The following NPR3 variants were observed in gnomAD, a reference collection of about 807,000 sequenced individuals.
The protein encoded by NPR3 is natriuretic peptide receptor 3.
NPR3 carries 34 observed loss-of-function variants against 54.5 expected under a neutral mutation model. The ratio of observed to expected loss-of-function variants is 0.62; its 90% CI spans 0.47 to 0.83. The LOEUF is 0.83. NPR3 is among the 40% of genes least tolerant of loss of function. The probability of loss-of-function intolerance (pLI) is 0.00; values close to 1 mark genes in which losing one functional copy is unlikely to be tolerated. For synonymous variants in NPR3, 289 were observed against 297.1 expected (o/e 0.97, Z 0.28); for missense variants, 674 against 720.8 (o/e 0.94, Z 0.74).
At position 32,724,744 on chromosome 5, in the gene NPR3, G is replaced by A. The variant is rs1034866329; in HGVS notation, c.816G>A (p.Leu272=). 1 of 1,613,808 alleles carries A rather than the reference G, an allele frequency of 6.2e-7. No individual in the cohort carries two copies. The highest frequency in any genetic ancestry group is 1.3e-5 in the African/African-American group (1 of 74,898). The change falls in exon 2 of 8, where the codon CTG becomes CTA. Residue 272 remains leucine, a synonymous_variant. Coordinates refer to ENST00000265074, the MANE Select transcript of NPR3 (RefSeq NM_001204375.2). The part of the protein sequence containing the change: ...ASSDTIRSIM[L]VAHRHGMTSG... ...GTGACACCATCCGGAGCATCATGCT[G>A]GTGGCGCACAGGCATGGCATGACCA...
In NPR3 at chr5:32,774,625, T is replaced by G. The variant is rs370157482; in HGVS notation, c.1060-83T>G. ...TGGCTAACAGACCTGAAGTCTAACT[T>G]GTTAACGCTTTGGATTGCTCATCTT... On this transcript the variant is annotated intron_variant, in intron 3 of 7. Transcript: ENST00000265074. 8 of 1,042,346 alleles carry G rather than the reference T, an allele frequency of 7.7e-6. No homozygotes were observed. The East Asian group carries it at 1.7e-4, about 22-fold the overall frequency. 64.6% of individuals were successfully genotyped at this position (1,042,346 alleles called of 1,614,324 possible).
intron 3 of NPR3, among the ~76,000 whole-genome samples, chr5:32,744,344 G>C (rs1740191808): frequency 6.6e-6 from 1 of 152,160 alleles, no homozygotes; most frequent in African/African-American, 2.4e-5. Context: ...GTGCAGCCCA[G>C]TGGTTAAATA....
At chr5:32,724,845 C>T (rs1230855599) in intron 2 of NPR3, 25 bp downstream of exon 2, 1 of 1,613,396 alleles carries the variant, frequency 6.2e-7, no homozygotes, top group Admixed American at 1.7e-5. Flanking sequence ...ACTTTCCCCT[C>T]CTCTGCTAGG....
At chr5:32,776,190 T>A (rs1377798433) in intron 4 of NPR3, among the ~76,000 whole-genome samples, 4 of 152,220 alleles carry the variant, frequency 2.6e-5, no homozygotes, top group Admixed American at 2.6e-4. Context: ...CATCTTAGGT[T>A]TTTTACTTGT....
intron 4 of NPR3, among the ~76,000 whole-genome samples, chr5:32,779,719 G>A (rs886408097): frequency 2.0e-5 from 3 of 152,238 alleles, no homozygotes; most frequent in Admixed American, 1.3e-4. Context: ...TCTCCAACTT[G>A]TTGTGCTGGC....
At chr5:32,691,509 T>C (rs1740387739) in intron 1 of NPR3, among the ~76,000 whole-genome samples, 1 of 152,170 alleles carries the variant, frequency 6.6e-6, no homozygotes, top group Admixed American at 6.5e-5. Flanking sequence ...GACTCTGAAG[T>C]TAGGAAAGAT....
chr5:32,784,117 T>C (rs943235552), intron 6 of NPR3, among the ~76,000 whole-genome samples: 1 of 152,230 alleles, frequency 6.6e-6, no homozygotes, highest in Admixed American at 6.5e-5. Flanking sequence ...TCTAGCACTT[T>C]GAAGTGTCAC....
intron 3 of NPR3, among the ~76,000 whole-genome samples, chr5:32,758,909 C>T (rs996429338): frequency 6.6e-6 from 1 of 152,072 alleles, no homozygotes; most frequent in East Asian, 1.9e-4. Context: ...TGTAGTTGAG[C>T]AGTTTTGAGT....
intron 1 of NPR3, among the ~76,000 whole-genome samples, chr5:32,698,367 AT>A (rs113493564): frequency 0.37 from 56,109 of 149,824 alleles, 10,773 homozygotes; most frequent in Middle Eastern, 0.49. Context: ...ATATAATTTC[AT>A]TTTTTTTTTG....
In NPR3 at chr5:32,742,711, G is replaced by A. The variant is rs1740097904; in HGVS notation, c.1059+3681G>A. 2.0e-5 allele frequency among the ~76,000 whole-genome samples: 3 copies of A among 152,170 alleles called. No homozygotes were observed. In the South Asian group the frequency reaches 6.2e-4, roughly 32 times the overall value. On this transcript the variant is annotated intron_variant, in intron 3 of 7. Coordinates refer to ENST00000265074, the MANE Select transcript of NPR3 (RefSeq NM_001204375.2). ...CCACTTAAGCATGATGTTTGCTGTG[G>A]GGTTCGGGGGACACTCTTTATTAGA...
intron 2 of NPR3, among the ~76,000 whole-genome samples, chr5:32,725,908 T>C (rs1561087499): frequency 1.3e-5 from 2 of 152,186 alleles, no homozygotes; most frequent in Non-Finnish European, 2.9e-5. Flanking sequence ...CACCAATGTA[T>C]AGAGTTGAAA....
intron 1 of NPR3, among the ~76,000 whole-genome samples, chr5:32,715,496 T>C (rs937025610): frequency 1.3e-5 from 2 of 152,224 alleles, no homozygotes; most frequent in African/African-American, 4.8e-5. Context: ...CAATTATTCC[T>C]TCATTTTAAG....
Position 32,712,179 on chromosome 5 carries a change from G to A in NPR3, c.403G>A (p.Val135Met). 6.2e-7 allele frequency: 1 copy of A among 1,613,156 alleles called. No homozygotes were observed. The highest frequency in any genetic ancestry group is 8.5e-7 in the Non-Finnish European group (1 of 1,179,772). ...CAAGCCAGACCTTATCCTGGGGCCAGTGTGCGAGTATGCAGCAGCGCCAGT... is the reference window on the plus strand; with the variant it reads ...CAAGCCAGACCTTATCCTGGGGCCAATGTGCGAGTATGCAGCAGCGCCAGT... The part of the protein sequence containing the change: ...GAKPDLILGP[V>M]CEYAAAPVAR... The change falls in exon 1 of 8, where the codon GTG (valine) becomes ATG (methionine). Residue 135 changes from valine (V) to methionine (M), a missense_variant. Coordinates refer to ENST00000265074, the MANE Select transcript of NPR3 (RefSeq NM_001204375.2).
chr5:32,717,853 A>G (rs1017659403), intron 1 of NPR3, among the ~76,000 whole-genome samples: 1 of 151,956 alleles, frequency 6.6e-6, no homozygotes, highest in Non-Finnish European at 1.5e-5. Context: ...GAAGCTCTTT[A>G]GTTTAATTAG....
intron 2 of NPR3, among the ~76,000 whole-genome samples, chr5:32,733,196 CAT>C (rs898046488): frequency 4.6e-5 from 7 of 151,716 alleles, no homozygotes; most frequent in Non-Finnish European, 7.4e-5. Context: ...GAAAAAAAAA[CAT>C]ATTGATAGTG....
chr5:32,732,206 A>G (rs1739495307), intron 2 of NPR3, among the ~76,000 whole-genome samples: 1 of 134,074 alleles, frequency 7.5e-6, no homozygotes, highest in East Asian at 2.5e-4. Context: ...GCGCCACTGC[A>G]GTCCGCAGTC....
intron 3 of NPR3, among the ~76,000 whole-genome samples, chr5:32,743,525 A>C (rs913422325): frequency 2.6e-5 from 4 of 152,208 alleles, no homozygotes; most frequent in Non-Finnish European, 4.4e-5. Context: ...TAAAGTTGTG[A>C]TGTGAGTTGC....
intron 1 of NPR3, among the ~76,000 whole-genome samples, chr5:32,722,227 G>T (rs754555571): frequency 6.6e-6 from 1 of 152,136 alleles, no homozygotes; most frequent in Non-Finnish European, 1.5e-5. Flanking sequence ...CTTGGACCCT[G>T]GCTGTTTGGT....
chr5:32,699,290 T>G (rs1219957897), intron 1 of NPR3, among the ~76,000 whole-genome samples: 1 of 152,132 alleles, frequency 6.6e-6, no homozygotes, highest in Non-Finnish European at 1.5e-5. Context: ...TTTTTGTGTT[T>G]TTTATTATTT....
Sources: gnomAD v4.1 joint callset for allele counts (sites outside exome capture counted in the v4.1 genomes callset) on GRCh38, gnomAD v4.1.1 for gene constraint, MANE v1.5 for transcripts, NCBI Gene and HGNC (gene_info 2026-07-23, HGNC 2026-07-21) for gene names.